AAMDC: variants seen among roughly 807,000 people sequenced by gnomAD.
AAMDC encodes adipogenesis associated Mth938 domain containing.
Under a neutral mutation model 15.5 loss-of-function variants are expected in AAMDC, and 16 were observed. The ratio of observed to expected loss-of-function variants is 1.03; its 90% CI spans 0.70 to 1.57. The LOEUF is 1.57. Among genes scored for constraint, AAMDC ranks in the 40% most tolerant of loss-of-function variants. The pLI is 0.00. For missense variants in AAMDC, 141 were observed against 144.9 expected, an observed-to-expected ratio of 0.97 and a Z score of 0.14; for synonymous variants, 51 against 51.6, an observed-to-expected ratio of 0.99 and a Z score of 0.05.
chr11:77,895,527 GAAAA>G (rs71046921), intron 5 of AAMDC, among the ~76,000 whole-genome samples: 509 of 39,224 alleles, frequency 0.013, 2 homozygotes, highest in Middle Eastern at 0.026. Context: ...TTCTTTTCCT[GAAAA>G]AAAAAAAAAA....
chr11:77,884,692 T>G, intron 5 of AAMDC: 1 of 230,182 alleles, frequency 4.3e-6, no homozygotes, highest in Non-Finnish European at 9.6e-6. Flanking sequence ...TCTCACCCAC[T>G]TGCCCTATAA....
chr11:77,901,090 G>A (rs1310126266), downstream of AAMDC, among the ~76,000 whole-genome samples: 1 of 152,142 alleles, frequency 6.6e-6, no homozygotes, highest in Non-Finnish European at 1.5e-5. Flanking sequence ...AGAAAAAGTG[G>A]TCCCTGGCAC....
At chr11:77,862,549 T>C (rs1950927450) in intron 2 of AAMDC, among the ~76,000 whole-genome samples, 1 of 152,194 alleles carries the variant, frequency 6.6e-6, no homozygotes, top group South Asian at 2.1e-4. Context: ...GTTTACCCCT[T>C]TGTCTATCTC....
chr11:77,884,061 A>G, intron 5 of AAMDC: 2 of 1,130,852 alleles, frequency 1.8e-6, no homozygotes, highest in Non-Finnish European at 2.5e-6. Flanking sequence ...CATGACACCA[A>G]CTTTACTAAG....
chr11:77,850,574 AAAACC>A (rs1429867566), intron 2 of AAMDC: 1 of 152,192 alleles, frequency 6.6e-6, no homozygotes, highest in East Asian at 1.9e-4. Context: ...AAATTAAAGA[AAAACC>A]AATTAGCAGC....
intron 5 of AAMDC, chr11:77,894,237 T>C (rs1373282429): frequency 1.1e-6 from 1 of 914,910 alleles, no homozygotes; most frequent in African/African-American, 1.7e-5. Flanking sequence ...CTGCAAGTGC[T>C]ATACTCCATG....
At chr11:77,859,390 A>C (rs1950779086) in intron 2 of AAMDC, among the ~76,000 whole-genome samples, 1 of 152,202 alleles carries the variant, frequency 6.6e-6, no homozygotes. Context: ...TGTACAGCCA[A>C]TAATAATTTC....
chr11:77,898,911 T>G (rs1952649839), intron 5 of AAMDC, among the ~76,000 whole-genome samples: 1 of 152,086 alleles, frequency 6.6e-6, no homozygotes. Flanking sequence ...TCCCAGCTAC[T>G]TGGGAGGCTG....
At position 77,878,957 on chromosome 11, in the gene AAMDC, G is replaced by A. The variant is rs374670901; in HGVS notation, c.328+1908G>A. On this transcript the variant is annotated intron_variant, in intron 5 of 5. Coordinates refer to the AAMDC transcript ENST00000304716. ...GGAAGACTGTTTTTGCCTTAGCGCC[G>A]TGCAGGTTTGGGCATTATATAAACT... 9.3e-6 allele frequency: 15 copies of A among 1,613,592 alleles called. No individual in the cohort carries two copies. Among genetic ancestry groups the A allele is most frequent in the Admixed American group, 5.0e-5 (3 of 60,006 alleles).
chr11:77,885,297 G>A (rs560412909), intron 5 of AAMDC, among the ~76,000 whole-genome samples: 2 of 151,694 alleles, frequency 1.3e-5, no homozygotes, highest in Admixed American at 6.6e-5. Flanking sequence ...GGTTGGTCTC[G>A]AACTCCTGAC....
At chr11:77,887,590 G>A (rs1451264911) in intron 5 of AAMDC, among the ~76,000 whole-genome samples, 1 of 152,110 alleles carries the variant, frequency 6.6e-6, no homozygotes, top group African/African-American at 2.4e-5. Flanking sequence ...GGTAGGAGAA[G>A]GAAATAAAGG....
At chr11:77,884,672 G>A (rs1383282583) in intron 5 of AAMDC, 7 of 213,818 alleles carry the variant, frequency 3.3e-5, no homozygotes, top group East Asian at 2.3e-4. Context: ...TTGAAACTGC[G>A]GAAGGCATGT....
intron 2 of AAMDC, among the ~76,000 whole-genome samples, chr11:77,854,042 G>C (rs1950509997): frequency 6.8e-6 from 1 of 147,298 alleles, no homozygotes; most frequent in South Asian, 2.1e-4. Context: ...CCAGGCTGGA[G>C]TGCAGTGGTG....
intron 2 of AAMDC, among the ~76,000 whole-genome samples, chr11:77,863,591 G>T (rs635195): frequency 3.3e-5 from 5 of 152,164 alleles, no homozygotes; most frequent in African/African-American, 1.2e-4. Flanking sequence ...GTTTCACTAT[G>T]TTGGCCAGGA....
intron 5 of AAMDC, among the ~76,000 whole-genome samples, chr11:77,879,459 T>G (rs2136345861): frequency 6.6e-6 from 1 of 152,290 alleles, no homozygotes; most frequent in East Asian, 1.9e-4. Flanking sequence ...TTGGGCAGTT[T>G]CAGAAGGTGC....
chr11:77,844,368 C>G (rs754692359), intron 2 of AAMDC, among the ~76,000 whole-genome samples: 1 of 151,810 alleles, frequency 6.6e-6, no homozygotes. Context: ...TTCTTTCTTT[C>G]TTTGTTTTTT....
intron 2 of AAMDC, chr11:77,869,312 C>CTTTTTT (rs1209578429): frequency 1.3e-4 from 16 of 126,954 alleles, no homozygotes; most frequent in South Asian, 2.3e-4. Context: ...ATCTCTTTTT[C>CTTTTTT]TTTTTTTTTT....
intron 3 of AAMDC, among the ~76,000 whole-genome samples, chr11:77,870,799 C>T (rs1951394201): frequency 6.6e-6 from 1 of 152,166 alleles, no homozygotes; most frequent in Non-Finnish European, 1.5e-5. Flanking sequence ...AATATATACA[C>T]ACTTACACAT....
intron 2 of AAMDC, among the ~76,000 whole-genome samples, chr11:77,863,990 G>A (rs772291946): frequency 1.3e-5 from 2 of 150,826 alleles, no homozygotes; most frequent in Non-Finnish European, 3.0e-5. Context: ...TCAGTGGCGC[G>A]ATCCTGGCTC....
Sources: gnomAD v4.1 joint callset for allele counts (sites outside exome capture counted in the v4.1 genomes callset) on GRCh38, gnomAD v4.1.1 for gene constraint, MANE v1.5 for transcripts, NCBI Gene and HGNC (gene_info 2026-07-23, HGNC 2026-07-21) for gene names.